Variants in WDR37 observed in about 807,000 individuals in gnomAD.
The protein encoded by WDR37 is WD repeat domain 37, also known as WD repeat-containing protein 37.
In WDR37, 19 loss-of-function variants were observed where a neutral mutation model predicts 62.9. The observed-to-expected ratio is 0.30, with a 90% CI of 0.21 to 0.44. WDR37 has a LOEUF of 0.44. WDR37 is among the 20% of genes least tolerant of loss of function. WDR37 has a pLI of 1.00. For missense variants in WDR37, 474 were observed against 657.6 expected (o/e 0.72, Z 3.05); for synonymous variants, 250 against 260.9 (o/e 0.96, Z 0.40).
Position 1,056,669 on chromosome 10 carries a change from C to A in WDR37, c.-340C>A, listed in dbSNP as rs1277930918. ...GCCCAGCAGCCGAAGGGGTCTTCAG[C>A]GCGCCCAGACCCCTCGGGGCTGCGG... On this transcript the variant is annotated 5_prime_UTR_variant, in exon 1 of 14. Transcript: ENST00000263150. 6 of 152,366 alleles carry A rather than the reference C, an allele frequency of 3.9e-5. No homozygotes were observed. Among genetic ancestry groups the A allele is most frequent in the South Asian group, 2.1e-4 (1 of 4,834 alleles). The allele number at this position is 152,366 out of a possible 1,614,324, so 9.4% of individuals were successfully genotyped here. A position where few individuals can be genotyped will look rare whatever the true frequency, so the allele number is the denominator to read the frequency against.
intron 2 of WDR37, among the ~76,000 whole-genome samples, chr10:1,077,011 A>G (rs1393458325): frequency 6.6e-6 from 1 of 152,150 alleles, no homozygotes; most frequent in Admixed American, 6.5e-5. Context: ...AAAAAAAAAA[A>G]AAAAAGGTAA....
At chr10:1,125,105 TAA>T in intron 13 of WDR37, 81 bp downstream of exon 13, 1 of 1,535,202 alleles carries the variant, frequency 6.5e-7, no homozygotes, top group Non-Finnish European at 8.8e-7. Context: ...ATTTTCTTAC[TAA>T]GTCTTTGCAT....
rs1231608889 is a variant in WDR37 at position 1,068,745 on chromosome 10, A to C, written c.-40-3371A>C. Among the ~76,000 whole-genome samples, 6 of 152,356 alleles carry C rather than the reference A, an allele frequency of 3.9e-5. No individual in the cohort carries two copies. The South Asian group carries it at 1.2e-3, about 32-fold the overall frequency. On this transcript the variant is annotated intron_variant, in intron 1 of 13. Transcript: ENST00000263150. ...ATTAAACATAAGCAATTCTGTTTCC[A>C]GGTATACCCAAGAGAAATAAAAGTA... is the stretch of plus-strand genomic sequence containing the variant.
At chr10:1,090,109 GGT>G (rs1319958581) in intron 7 of WDR37, among the ~76,000 whole-genome samples, 1 of 152,100 alleles carries the variant, frequency 6.6e-6, no homozygotes, top group East Asian at 1.9e-4. Flanking sequence ...TGGGATTATA[GGT>G]GCCCGCCACC....
rs139682061 is a variant in WDR37, at chr10:1,122,266, T to G, written c.1104-1952T>G. 3.4e-3 allele frequency among the ~76,000 whole-genome samples: 523 copies of G among 152,280 alleles called. 2 individuals carry two copies. Among genetic ancestry groups the G allele is most frequent in the African/African-American group, 0.012 (509 of 41,564 alleles). On this transcript the variant is annotated intron_variant, in intron 11 of 13. Transcript: ENST00000263150. Reference sequence around the variant, plus strand: ...TTTGTGACGACAAGAGGACACTTCCTTCATGGATAGGTGGAAATTCACATG... The same window carrying G: ...TTTGTGACGACAAGAGGACACTTCCGTCATGGATAGGTGGAAATTCACATG...
At position 1,121,283 on chromosome 10, in the gene WDR37, T is replaced by A. The variant is rs1564513158; in HGVS notation, c.1104-2935T>A. Among the ~76,000 whole-genome samples, 1 of 152,220 alleles carries A rather than the reference T, an allele frequency of 6.6e-6. No individual in the cohort carries two copies. The highest frequency in any genetic ancestry group is 1.5e-5 in the Non-Finnish European group (1 of 68,034). On this transcript the variant is annotated intron_variant, in intron 11 of 13. Coordinates refer to ENST00000263150, the MANE Select transcript of WDR37 (RefSeq NM_014023.4). This position sits in a 1 kb window ranked among gnomAD's most constrained non-coding sequence, Gnocchi z 4.5. ...CTTTTTTCCTATTAATTTAGCAGAATGTTCACTGAAACTTAACTTGGCCAA... is the reference window on the plus strand; with the variant it reads ...CTTTTTTCCTATTAATTTAGCAGAAAGTTCACTGAAACTTAACTTGGCCAA...
In WDR37 at chr10:1,121,944, G is replaced by A. The variant is rs766071741; in HGVS notation, c.1104-2274G>A. 3.9e-5 allele frequency among the ~76,000 whole-genome samples: 6 copies of A among 152,148 alleles called. No individual in the cohort carries two copies. The highest frequency in any genetic ancestry group is 7.4e-5 in the Non-Finnish European group (5 of 68,024). ...CACCTTGATTCTCAGTAGCTTTGCT[G>A]TACTTTGATGTTATATTTTTAAAAA... On this transcript the variant is annotated intron_variant, in intron 11 of 13. Transcript: ENST00000263150. This position sits in a 1 kb window ranked among gnomAD's most constrained non-coding sequence, Gnocchi z 4.5.
chr10:1,125,689 G>T (rs1240899336), intron 13 of WDR37, among the ~76,000 whole-genome samples: 10 of 152,200 alleles, frequency 6.6e-5, no homozygotes. Context: ...TGTTGAGTGG[G>T]CATTGTGGCC....
chr10:1,093,481 C>A lies in WDR37; in HGVS notation c.634C>A (p.Gln212Lys). Residue 212 changes from glutamine (Q) to lysine (K), a missense_variant, in exon 8 of 14, where the codon CAG (glutamine) becomes AAG (lysine). Physicochemically the swap from Gln to Lys is moderately conservative, Grantham distance 53. Coordinates refer to ENST00000263150, the MANE Select transcript of WDR37 (RefSeq NM_014023.4). ...VNSIKFHPSE[Q>K]LALTASGDQT... is the part of the protein sequence containing the mutation. The stretch of plus-strand genomic sequence containing the variant: ...TTCTATCAAATTTCATCCCTCAGAG[C>A]AGTTGGCTCTCACTGGTATGTTGAT... 2 of 1,609,954 alleles carry A rather than the reference C, an allele frequency of 1.2e-6. No individual in the cohort carries two copies. The highest frequency in any genetic ancestry group is 1.7e-6 in the Non-Finnish European group (2 of 1,178,612).
intron 1 of WDR37, among the ~76,000 whole-genome samples, chr10:1,063,741 C>A (rs1317472317): frequency 6.6e-6 from 1 of 152,176 alleles, no homozygotes; most frequent in African/African-American, 2.4e-5. Context: ...AGCACGGAGG[C>A]AGCCCTGATT....
rs1834570724 is a variant in WDR37 at position 1,096,264 on chromosome 10, CCTGTGAATGTGTAGGATGCTGATGT to C, written c.726+22_726+46del. 1.9e-6 allele frequency: 3 copies of C among 1,612,714 alleles called. No homozygotes were observed. The East Asian group carries it at 6.7e-5, about 36-fold the overall frequency. On this transcript the variant is annotated intron_variant, in intron 9 of 13. Transcript: ENST00000263150. Reference sequence around the variant, plus strand: ...ACACTAGTGTAAGCACCTTTCCTTACCTGTGAATGTGTAGGATGCTGATGTCTGCGAATCTGAGAATCCATTTATG... The same window carrying C: ...ACACTAGTGTAAGCACCTTTCCTTACCTGCGAATCTGAGAATCCATTTATG...
intron 13 of WDR37, 88 bp downstream of exon 13, chr10:1,125,112 T>C: frequency 6.6e-7 from 1 of 1,513,378 alleles, no homozygotes; most frequent in Non-Finnish European, 8.9e-7. Flanking sequence ...TACTAAGTCT[T>C]TGCATGCTAA....
chr10:1,096,369 C>T (rs1834576288), intron 9 of WDR37, 123 bp downstream of exon 9: 2 of 1,044,518 alleles, frequency 1.9e-6, no homozygotes, highest in Non-Finnish European at 2.9e-6. Flanking sequence ...TTGAAGGCCT[C>T]ACCCCCGGTA....
At chr10:1,095,304 A>G (rs72760941) in intron 8 of WDR37, among the ~76,000 whole-genome samples, 22,671 of 136,676 alleles carry the variant, frequency 0.17, 1,979 homozygotes, top group Non-Finnish European at 0.19. Flanking sequence ...TAGAGAGGAG[A>G]GAGTTAGACT....
chr10:1,069,389 A>ATATTTATATATATTTTTTTGTTTTTT, intron 1 of WDR37, among the ~76,000 whole-genome samples: 1 of 95,806 alleles, frequency 1.0e-5, no homozygotes, highest in African/African-American at 4.7e-5. Context: ...ATATATATAT[A>ATATTTATATATATTTTTTTGTTTTTT]TTTTTTTTTT....
Position 1,131,197 on chromosome 10 carries a change from TG to T in WDR37, c.*1855del, listed in dbSNP as rs966058517. On this transcript the variant is annotated 3_prime_UTR_variant, in exon 14 of 14. Coordinates refer to ENST00000263150, the MANE Select transcript of WDR37 (RefSeq NM_014023.4). ...CTGGGGCCTCACTTTTTCTCTTGGC[TG>T]GAGGTCCAATTGCCAGAGCCTCCCA... 19 of 152,402 alleles carry T rather than the reference TG, an allele frequency of 1.2e-4. No homozygotes were observed. The highest frequency in any genetic ancestry group is 2.3e-4 in the Non-Finnish European group (16 of 68,240). The allele number at this position is 152,402 out of a possible 1,614,324, so 9.4% of individuals were successfully genotyped here.
At chr10:1,081,046 T>C (rs931739553) in intron 5 of WDR37, among the ~76,000 whole-genome samples, 2 of 152,296 alleles carry the variant, frequency 1.3e-5, no homozygotes, top group South Asian at 2.1e-4. Context: ...ATTGGCTTAA[T>C]ATAAAGGGTC....
At chr10:1,106,204 GT>G (rs995342386) in intron 11 of WDR37, among the ~76,000 whole-genome samples, 1 of 152,058 alleles carries the variant, frequency 6.6e-6, no homozygotes, top group African/African-American at 2.4e-5. Flanking sequence ...TACCTAGAGT[GT>G]TCCCTGGTTC....
chr10:1,103,760 G>T lies in WDR37; in HGVS notation c.885G>T (p.Gln295His). ...IASDWLVGGK[Q>H]AVTASWDRTA... ...CCGACTGGCTGGTTGGGGGGAAGCA[G>T]GCTGTGACTGCCTCCTGGGACCGGA... is the stretch of plus-strand genomic sequence containing the variant. Residue 295 changes from glutamine (Q) to histidine (H), a missense_variant, in exon 10 of 14, where the codon CAG becomes CAT. Coordinates refer to ENST00000263150, the MANE Select transcript of WDR37 (RefSeq NM_014023.4). This position sits in a 1 kb window ranked among gnomAD's most constrained non-coding sequence, Gnocchi z 6.3. 6.2e-7 allele frequency: 1 copy of T among 1,614,274 alleles called. No homozygotes were observed. Among genetic ancestry groups the T allele is most frequent in the Non-Finnish European group, 8.5e-7 (1 of 1,180,052 alleles).
Sources: gnomAD v4.1 joint callset for allele counts (sites outside exome capture counted in the v4.1 genomes callset) on GRCh38, gnomAD v4.1.1 for gene constraint, Gnocchi (gnomAD v3.1) non-coding constraint, MANE v1.5 for transcripts, NCBI Gene and HGNC (gene_info 2026-07-23, HGNC 2026-07-21) for gene names.